SLC35F2: variants seen among roughly 807,000 people sequenced by gnomAD.
The protein encoded by SLC35F2 is solute carrier family 35 member F2.
SLC35F2 carries 25 observed loss-of-function variants against 38.1 expected under a neutral mutation model. The ratio of observed to expected loss-of-function variants is 0.66; its 90% CI spans 0.48 to 0.92. SLC35F2 has a LOEUF of 0.92. SLC35F2 is among the 40% of genes least tolerant of loss of function. The pLI, the probability that SLC35F2 is intolerant of heterozygous loss-of-function variation, is 0.00. For missense variants in SLC35F2, 409 were observed against 452.9 expected (o/e 0.90, Z 0.88); for synonymous variants, 173 against 181.7 (o/e 0.95, Z 0.38).
chr11:107,795,486 A>G (rs192846231), intron 7 of SLC35F2, among the ~76,000 whole-genome samples: 44 of 152,326 alleles, frequency 2.9e-4, no homozygotes, highest in Admixed American at 2.1e-3. Flanking sequence ...ATTAAACTAA[A>G]AAGTTTCTGC....
In SLC35F2 at chr11:107,803,100, T is replaced by A. The variant is rs772529177; in HGVS notation, c.840A>T (p.Pro280=). The A allele has an allele frequency of 1.2e-6, 2 of 1,613,932 alleles. No individual in the cohort carries two copies. Among genetic ancestry groups the A allele is most frequent in the African/African-American group, 1.3e-5 (1 of 75,006 alleles). ...LCMFCLYSFM[P]LVIKVTSATS... ...TGGCACTAGTGACTTTAATCACCAA[T>A]GGCATGAAGCTGTACAGGCAAAACA... The change falls in exon 7 of 8, where the codon CCA becomes CCT. Residue 280 remains proline, a synonymous_variant. Transcript: ENST00000525815.
intron 6 of SLC35F2, among the ~76,000 whole-genome samples, chr11:107,803,835 A>AT (rs548040442): frequency 8.9e-5 from 13 of 146,506 alleles, no homozygotes; most frequent in Non-Finnish European, 1.8e-4. Context: ...ATTTTTATTT[A>AT]TTTTTTTTGA....
chr11:107,842,175 G>A (rs909460734), intron 1 of SLC35F2, among the ~76,000 whole-genome samples: 2 of 139,242 alleles, frequency 1.4e-5, no homozygotes, highest in Non-Finnish European at 3.0e-5. Context: ...TGAGGCACAA[G>A]AATCACTTGA....
Position 107,811,736 on chromosome 11 carries a change from T to A in SLC35F2, c.345A>T (p.Gly115=). Residue 115 remains glycine (G), a synonymous_variant, in exon 3 of 8, where the codon GGA becomes GGT. Coordinates refer to ENST00000525815, the MANE Select transcript of SLC35F2 (RefSeq NM_017515.5). ...CATAATTAGCTTCCACATCTGCTAG[T>A]CCCAGCAGGATGTACTTCCACCATT... is the stretch of plus-strand genomic sequence containing the variant. ...KRKWWKYILL[G]LADVEANYVI... 6.2e-7 allele frequency: 1 copy of A among 1,613,216 alleles called. No homozygotes were observed. Among genetic ancestry groups the A allele is most frequent in the Non-Finnish European group, 8.5e-7 (1 of 1,179,168 alleles).
chr11:107,803,486 G>C (rs1282060712), intron 6 of SLC35F2: 11 of 984,908 alleles, frequency 1.1e-5, no homozygotes, highest in African/African-American at 3.5e-5. Context: ...TGTGATAAAA[G>C]GCCAATAAAG....
At position 107,854,262 on chromosome 11, in the gene SLC35F2, T is replaced by C. The variant is rs184377003; in HGVS notation, c.110+4396A>G. ...GCCTGGGCAACATGGTGAAACCCTG[T>C]CTCTACGGAAAAAAAAAAAAAACTA... On this transcript the variant is annotated intron_variant, in intron 1 of 7. Coordinates refer to ENST00000525815, the MANE Select transcript of SLC35F2 (RefSeq NM_017515.5). Among the ~76,000 whole-genome samples the C allele has an allele frequency of 3.1e-3, 382 of 123,478 alleles. 10 individuals carry two copies. Among genetic ancestry groups the C allele is most frequent in the Non-Finnish European group, 2.3e-4 (13 of 56,974 alleles). 81.0% of individuals were successfully genotyped at this position (123,478 alleles called of 152,430 possible).
intron 3 of SLC35F2, chr11:107,809,915 G>T: frequency 2.0e-6 from 2 of 985,416 alleles, no homozygotes; most frequent in Non-Finnish European, 2.4e-6. Flanking sequence ...CAGGCCATGA[G>T]TGGGAAATGG....
chr11:107,821,794 G>A (rs913188093), intron 1 of SLC35F2, among the ~76,000 whole-genome samples: 1 of 152,176 alleles, frequency 6.6e-6, no homozygotes, highest in Non-Finnish European at 1.5e-5. Flanking sequence ...CCCCAAGGCA[G>A]CTTCACACTG....
chr11:107,821,432 G>T, intron 1 of SLC35F2: 3 of 985,408 alleles, frequency 3.0e-6, no homozygotes, highest in Non-Finnish European at 3.6e-6. Flanking sequence ...TAATAGAGGA[G>T]TAGGAGAGCA....
intron 1 of SLC35F2, among the ~76,000 whole-genome samples, chr11:107,818,589 G>A (rs549760437): frequency 1.3e-5 from 2 of 151,930 alleles, no homozygotes; most frequent in South Asian, 4.2e-4. Flanking sequence ...TTATACAGGC[G>A]GCATCATACT....
At chr11:107,815,498 C>T (rs1301803448) in intron 2 of SLC35F2, among the ~76,000 whole-genome samples, 8 of 151,548 alleles carry the variant, frequency 5.3e-5, no homozygotes, top group Non-Finnish European at 1.5e-5. Flanking sequence ...GTCAAGGCTG[C>T]AGTGAGTCGA....
intron 1 of SLC35F2, among the ~76,000 whole-genome samples, chr11:107,821,025 T>C (rs547468002): frequency 6.6e-6 from 1 of 152,302 alleles, no homozygotes; most frequent in South Asian, 2.1e-4. Flanking sequence ...AGAAGGAACC[T>C]GGCCTGATCT....
intron 1 of SLC35F2, among the ~76,000 whole-genome samples, chr11:107,849,813 GGAA>G (rs1163009147): frequency 1.3e-5 from 2 of 152,094 alleles, no homozygotes; most frequent in Admixed American, 6.5e-5. Context: ...CTGGTCTAGG[GGAA>G]GAAGGAGACT....
chr11:107,842,908 C>T (rs1375166670), intron 1 of SLC35F2, among the ~76,000 whole-genome samples: 3 of 152,106 alleles, frequency 2.0e-5, no homozygotes, highest in Non-Finnish European at 4.4e-5. Flanking sequence ...GGAAAAAACC[C>T]AAATGCCCAT....
At chr11:107,839,522 C>T (rs1244900968) in intron 1 of SLC35F2, among the ~76,000 whole-genome samples, 1 of 152,140 alleles carries the variant, frequency 6.6e-6, no homozygotes, top group African/African-American at 2.4e-5. Flanking sequence ...ATTAGCCAAA[C>T]CCATATGGTT....
At chr11:107,824,505 C>A (rs1470567175) in intron 1 of SLC35F2, among the ~76,000 whole-genome samples, 1 of 152,174 alleles carries the variant, frequency 6.6e-6, no homozygotes, top group Non-Finnish European at 1.5e-5. Context: ...TGGTTCACAC[C>A]ATGTGCTGTT....
At chr11:107,797,931 AT>A (rs1473928402) in intron 7 of SLC35F2, among the ~76,000 whole-genome samples, 2 of 152,212 alleles carry the variant, frequency 1.3e-5, no homozygotes, top group Non-Finnish European at 2.9e-5. Flanking sequence ...TTCAGAGAAT[AT>A]TAGGGGAAGT....
At chr11:107,843,014 A>G (rs1462216512) in intron 1 of SLC35F2, among the ~76,000 whole-genome samples, 1 of 152,234 alleles carries the variant, frequency 6.6e-6, no homozygotes, top group African/African-American at 2.4e-5. Flanking sequence ...CACCTGCAAC[A>G]ATATGAATTA....
Position 107,792,497 on chromosome 11 carries a change from G to T in SLC35F2, c.*118C>A. 1 of 1,211,272 alleles carries T rather than the reference G, an allele frequency of 8.3e-7. No homozygotes were observed. The highest frequency in any genetic ancestry group is 1.1e-6 in the Non-Finnish European group (1 of 899,286). 75.0% of individuals were successfully genotyped at this position (1,211,272 alleles called of 1,614,324 possible). ...GTTCCTTTCTAAAACCTAACCACTGGATCCAACCCAGGGTTGTAGAGTGTC... is the reference window on the plus strand; with the variant it reads ...GTTCCTTTCTAAAACCTAACCACTGTATCCAACCCAGGGTTGTAGAGTGTC... On this transcript the variant is annotated 3_prime_UTR_variant, in exon 8 of 8. Coordinates refer to ENST00000525815, the MANE Select transcript of SLC35F2 (RefSeq NM_017515.5).
Sources: allele counts gnomAD v4.1 joint callset (sites outside exome capture counted in the v4.1 genomes callset), GRCh38; gene constraint gnomAD v4.1.1; transcripts MANE v1.5; gene names NCBI Gene and HGNC (gene_info 2026-07-23, HGNC 2026-07-21).